Variants in SLC16A9 observed in about 807,000 individuals in gnomAD.
SLC16A9 encodes monocarboxylate transporter 9.
In SLC16A9, 26 loss-of-function variants were observed where a neutral mutation model predicts 44.3. The observed-to-expected ratio is 0.59, with a 90% CI of 0.43 to 0.81. The LOEUF (loss-of-function observed/expected upper bound fraction) is 0.81. Among genes scored for constraint, SLC16A9 ranks in the 40% least tolerant of loss-of-function variants. The probability of loss-of-function intolerance (pLI) is 0.00; values close to 1 mark genes in which losing one functional copy is unlikely to be tolerated. For missense variants in SLC16A9, 559 were observed against 595.8 expected, an observed-to-expected ratio of 0.94 and a Z score of 0.64; for synonymous variants, 230 against 225.1, an observed-to-expected ratio of 1.02 and a Z score of -0.19.
At chr10:59,660,346 A>T (rs11815092) in intron 4 of SLC16A9, among the ~76,000 whole-genome samples, 4,493 of 152,308 alleles carry the variant, frequency 0.029, 212 homozygotes, top group African/African-American at 0.1. Context: ...CAGAAATACA[A>T]ATCCCATCAG....
In SLC16A9 at chr10:59,652,440, G is replaced by A. The variant is rs2132386198; in HGVS notation, c.*332C>T. ...GGTGCCTTGCAGTGGATTAAATGGA[G>A]TCGGCAGAGAAATTATACTTCTTTA... On this transcript the variant is annotated 3_prime_UTR_variant, in exon 6 of 6. Coordinates refer to ENST00000395348, the MANE Select transcript of SLC16A9 (RefSeq NM_194298.3). 1 of 174,754 alleles carries A rather than the reference G, an allele frequency of 5.7e-6. No homozygotes were observed. Among genetic ancestry groups the A allele is most frequent in the African/African-American group, 2.4e-5 (1 of 42,280 alleles). The allele number at this position is 174,754 out of a possible 1,614,324, so 10.8% of individuals were successfully genotyped here.
chr10:59,693,308 G>A (rs908838802), intron 1 of SLC16A9, among the ~76,000 whole-genome samples: 11 of 152,176 alleles, frequency 7.2e-5, no homozygotes, highest in African/African-American at 2.4e-4. Context: ...ACTAACGTAA[G>A]TCCTTTAAAA....
In SLC16A9 at chr10:59,681,429, GTATATGATGTAT is replaced by G. The variant is rs200061458; in HGVS notation, c.196+2655_196+2666del. Among the ~76,000 whole-genome samples the G allele has an allele frequency of 2.2e-5, 3 of 135,842 alleles. 1 individual carries two copies. The highest frequency in any genetic ancestry group is 8.5e-5 in the African/African-American group (3 of 35,222). 89.1% of individuals were successfully genotyped at this position (135,842 alleles called of 152,430 possible). A position where few individuals can be genotyped will look rare whatever the true frequency, so the allele number is the denominator to read the frequency against. On this transcript the variant is annotated intron_variant, in intron 2 of 5. Coordinates refer to ENST00000395348, the MANE Select transcript of SLC16A9 (RefSeq NM_194298.3). ...TATATATGTATATGTATATGTATAT[GTATATGATGTAT>G]ATGTATATGTGTATGTGTATGTGTA...
chr10:59,657,105 T>TA (rs754784031), intron 4 of SLC16A9, among the ~76,000 whole-genome samples: 1 of 152,154 alleles, frequency 6.6e-6, no homozygotes, highest in South Asian at 2.1e-4. Flanking sequence ...AGATAATCCA[T>TA]AAAAAAATGA....
At chr10:59,658,082 C>T (rs186522572) in intron 4 of SLC16A9, among the ~76,000 whole-genome samples, 3 of 152,208 alleles carry the variant, frequency 2.0e-5, no homozygotes, top group Admixed American at 6.5e-5. Context: ...ATAATGGGAA[C>T]CTTGGTCTCC....
chr10:59,657,807 G>A (rs937668187), intron 4 of SLC16A9, among the ~76,000 whole-genome samples: 1 of 152,084 alleles, frequency 6.6e-6, no homozygotes, highest in African/African-American at 2.4e-5. Flanking sequence ...GGTACTATTT[G>A]TAAATCAAAA....
At chr10:59,685,954 A>G (rs1260300689) in intron 1 of SLC16A9, among the ~76,000 whole-genome samples, 2 of 147,692 alleles carry the variant, frequency 1.4e-5, no homozygotes, top group Non-Finnish European at 3.0e-5. Flanking sequence ...GCATTTCATC[A>G]TAGTTTCAAC....
Position 59,663,555 on chromosome 10 carries a change from CA to C in SLC16A9, c.436+671del, listed in dbSNP as rs1317778171. ...TTCTCACTGATAAGTGGGAGTTGAA[CA>C]ATGAGAACATATAGGCACAGGGAGG... On this transcript the variant is annotated intron_variant, in intron 4 of 5. Coordinates refer to ENST00000395348, the MANE Select transcript of SLC16A9 (RefSeq NM_194298.3). Among the ~76,000 whole-genome samples the C allele has an allele frequency of 2.8e-5, 4 of 144,204 alleles. No homozygotes were observed. In the South Asian group the frequency reaches 8.8e-4, roughly 32 times the overall value. The allele number at this position is 144,204 out of a possible 152,430, so 94.6% of individuals were successfully genotyped here.
chr10:59,667,123 C>T (rs1329135968), intron 3 of SLC16A9, among the ~76,000 whole-genome samples: 1 of 152,046 alleles, frequency 6.6e-6, no homozygotes, highest in Non-Finnish European at 1.5e-5. Context: ...ACTCAAAGCA[C>T]AAAATAAACA....
chr10:59,692,007 C>G (rs1840263355), intron 1 of SLC16A9, among the ~76,000 whole-genome samples: 1 of 152,164 alleles, frequency 6.6e-6, no homozygotes, highest in Non-Finnish European at 1.5e-5. Context: ...TTATCTTTCC[C>G]TAATAACCCC....
chr10:59,668,074 T>C (rs1325418710), intron 3 of SLC16A9, among the ~76,000 whole-genome samples: 1 of 147,776 alleles, frequency 6.8e-6, no homozygotes, highest in South Asian at 2.1e-4. Flanking sequence ...CCTCCTCATC[T>C]TTTTTTTTTA....
intron 4 of SLC16A9, among the ~76,000 whole-genome samples, chr10:59,661,193 AG>A (rs1426514523): frequency 3.3e-5 from 5 of 152,230 alleles, no homozygotes; most frequent in Non-Finnish European, 5.9e-5. Flanking sequence ...GTATTCAAAT[AG>A]GAAGAGAGGA....
At position 59,654,189 on chromosome 10, in the gene SLC16A9, G is replaced by A. The variant is rs892628048; in HGVS notation, c.837C>T (p.Cys279=). Reference sequence around the variant, plus strand: ...GCCACTTCCTCTTGGCAAGCTGTTTGCAAAAATATGTCTGTTCTGCAACTT... The same window carrying A: ...GCCACTTCCTCTTGGCAAGCTGTTTACAAAAATATGTCTGTTCTGCAACTT... ...KKKVAEQTYF[C]KQLAKRKWQL... Residue 279 remains cysteine (C), a synonymous_variant, in exon 5 of 6, where the codon TGC becomes TGT. Transcript: ENST00000395348. 3.7e-6 allele frequency: 6 copies of A among 1,614,002 alleles called. No individual in the cohort carries two copies. The highest frequency in any genetic ancestry group is 5.1e-6 in the Non-Finnish European group (6 of 1,180,006).
intron 4 of SLC16A9, among the ~76,000 whole-genome samples, chr10:59,660,578 A>G (rs1839450687): frequency 1.3e-5 from 2 of 152,190 alleles, no homozygotes; most frequent in African/African-American, 4.8e-5. Context: ...AGAGGTACAA[A>G]GAGGAGCTGG....
intron 2 of SLC16A9, among the ~76,000 whole-genome samples, chr10:59,683,397 A>G (rs745467226): frequency 1.3e-5 from 2 of 152,368 alleles, no homozygotes; most frequent in Non-Finnish European, 1.5e-5. Flanking sequence ...GACAGGAATC[A>G]CTATTACATC....
At chr10:59,674,984 A>AT (rs879906256) in intron 2 of SLC16A9, among the ~76,000 whole-genome samples, 27 of 152,052 alleles carry the variant, frequency 1.8e-4, no homozygotes, top group Non-Finnish European at 3.1e-4. Flanking sequence ...CTAACAAATG[A>AT]TTTTTTTTGA....
chr10:59,679,391 C>T (rs1352660663), intron 2 of SLC16A9, among the ~76,000 whole-genome samples: 2 of 152,178 alleles, frequency 1.3e-5, no homozygotes, highest in Non-Finnish European at 2.9e-5. Flanking sequence ...TTGGCTTACA[C>T]GTTTGAAACA....
chr10:59,657,646 G>A (rs1406840361), intron 4 of SLC16A9, among the ~76,000 whole-genome samples: 3 of 152,142 alleles, frequency 2.0e-5, no homozygotes, highest in Non-Finnish European at 4.4e-5. Context: ...AAGATCATCT[G>A]TCACAGCATG....
At position 59,684,212 on chromosome 10, in the gene SLC16A9, T is replaced by TA; in HGVS notation, c.79dup (p.Tyr27LeufsTer20). On this transcript the variant is annotated frameshift_variant, in exon 2 of 6. Coordinates refer to ENST00000395348, the MANE Select transcript of SLC16A9 (RefSeq NM_194298.3). LOFTEE classifies it high-confidence loss of function. ...GACTCCAACAGCTAGTGGGGATCCGTAACACAAAAACTGAGTAAGGAAGGA... is the reference window on the plus strand; with the variant it reads ...GACTCCAACAGCTAGTGGGGATCCGTAAACACAAAAACTGAGTAAGGAAGGA... The TA allele has an allele frequency of 1.2e-6, 2 of 1,614,050 alleles. No homozygotes were observed. The highest frequency in any genetic ancestry group is 2.2e-5 in the East Asian group (1 of 44,860).
Sources: gnomAD v4.1 joint callset for allele counts (sites outside exome capture counted in the v4.1 genomes callset) on GRCh38, gnomAD v4.1.1 for gene constraint, MANE v1.5 for transcripts, NCBI Gene and HGNC (gene_info 2026-07-23, HGNC 2026-07-21) for gene names.